CHRM3: variants seen among roughly 807,000 people sequenced by gnomAD.
The protein encoded by CHRM3 is muscarinic acetylcholine receptor M3.
Under a neutral mutation model 41.8 loss-of-function variants are expected in CHRM3, and 11 were observed. The ratio of observed to expected loss-of-function variants is 0.26; its 90% CI spans 0.17 to 0.44. CHRM3 has a LOEUF of 0.44. Among genes scored for constraint, CHRM3 ranks in the 20% least tolerant of loss-of-function variants. CHRM3 has a pLI of 1.00. For synonymous variants in CHRM3, 297 were observed against 301.4 expected (o/e 0.99, Z 0.15); for missense variants, 571 against 745.4 (o/e 0.77, Z 2.72).
intron 5 of CHRM3, among the ~76,000 whole-genome samples, chr1:239,715,646 G>A (rs1662274365): frequency 6.6e-6 from 1 of 152,120 alleles, no homozygotes; most frequent in African/African-American, 2.4e-5. Context: ...AACAGATAAA[G>A]AGGGAGGAAG....
At chr1:239,589,877 G>T (rs143826865) in intron 3 of CHRM3, among the ~76,000 whole-genome samples, 2 of 151,802 alleles carry the variant, frequency 1.3e-5, no homozygotes, top group East Asian at 3.9e-4. Flanking sequence ...GTCCACAATA[G>T]ATGCATGATT....
Position 239,682,953 on chromosome 1 carries a change from A to G in CHRM3, c.-147+4665A>G, listed in dbSNP as rs182566118. On this transcript the variant is annotated intron_variant, in intron 5 of 6. Coordinates refer to ENST00000676153, the MANE Select transcript of CHRM3 (RefSeq NM_001375978.1). ...GTATAAAAATTTAATTAGGCTATTT[A>G]GCATATCATGTCACCTCATTTATTT... Among the ~76,000 whole-genome samples the G allele has an allele frequency of 3.3e-5, 5 of 152,284 alleles. No individual in the cohort carries two copies. The East Asian group carries it at 9.7e-4, about 29-fold the overall frequency.
chr1:239,467,528 C>T (rs1018000692), intron 1 of CHRM3, among the ~76,000 whole-genome samples: 3 of 152,158 alleles, frequency 2.0e-5, no homozygotes, highest in Non-Finnish European at 2.9e-5. Context: ...TCTCGAACTC[C>T]TCACCTCGTG....
At chr1:239,671,779 A>G (rs937732201) in intron 4 of CHRM3, among the ~76,000 whole-genome samples, 1 of 152,058 alleles carries the variant, frequency 6.6e-6, no homozygotes, top group Non-Finnish European at 1.5e-5. Context: ...AATAATTTCT[A>G]AATTCTTTTT....
At chr1:239,880,606 C>T (rs186639993) in intron 6 of CHRM3, among the ~76,000 whole-genome samples, 6 of 152,314 alleles carry the variant, frequency 3.9e-5, no homozygotes, top group Non-Finnish European at 8.8e-5. Context: ...AGTCATCCTC[C>T]TCAGCCTCCT....
chr1:239,739,792 T>C (rs772777671), intron 5 of CHRM3, among the ~76,000 whole-genome samples: 14 of 152,190 alleles, frequency 9.2e-5, no homozygotes, highest in Non-Finnish European at 2.1e-4. Flanking sequence ...TCTTTAGCAA[T>C]CTAATGTTTT....
At chr1:239,562,278 C>T (rs77449654) in intron 3 of CHRM3, among the ~76,000 whole-genome samples, 3 of 152,094 alleles carry the variant, frequency 2.0e-5, no homozygotes, top group Non-Finnish European at 2.9e-5. Context: ...CTTCAGTATT[C>T]GCACATTTCA....
At chr1:239,573,217 C>G (rs1462819007) in intron 3 of CHRM3, among the ~76,000 whole-genome samples, 1 of 152,090 alleles carries the variant, frequency 6.6e-6, no homozygotes, top group Admixed American at 6.6e-5. Flanking sequence ...TTCCCTTTTT[C>G]TCCTCTAATC....
chr1:239,738,758 C>G (rs987256000), intron 5 of CHRM3, among the ~76,000 whole-genome samples: 1 of 152,156 alleles, frequency 6.6e-6, no homozygotes, highest in Non-Finnish European at 1.5e-5. Flanking sequence ...TTTCTGCTCC[C>G]TCAAGAGGGC....
intron 2 of CHRM3, among the ~76,000 whole-genome samples, chr1:239,496,410 ATTATT>A: frequency 6.6e-6 from 1 of 152,142 alleles, no homozygotes; most frequent in Non-Finnish European, 1.5e-5. Flanking sequence ...TATCTTGCAG[ATTATT>A]TTAAAGACTG....
chr1:239,522,393 C>A (rs528958124), intron 2 of CHRM3, among the ~76,000 whole-genome samples: 13 of 152,220 alleles, frequency 8.5e-5, no homozygotes, highest in Non-Finnish European at 1.9e-4. Flanking sequence ...CCCACCCAAT[C>A]CCTTAGTAGA....
chr1:239,895,391 C>T (rs1016060286), intron 6 of CHRM3, among the ~76,000 whole-genome samples: 8 of 152,232 alleles, frequency 5.3e-5, no homozygotes, highest in African/African-American at 1.4e-4. Context: ...AGTTACTGCT[C>T]ATCGGACACA....
intron 3 of CHRM3, among the ~76,000 whole-genome samples, chr1:239,602,110 G>GTGTGTATATATATATATA (rs1307023039): frequency 8.9e-5 from 10 of 112,862 alleles, no homozygotes; most frequent in Non-Finnish European, 1.3e-4. Flanking sequence ...GTGTGTGTGT[G>GTGTGTATATATATATATA]TATATATATA....
intron 5 of CHRM3, among the ~76,000 whole-genome samples, chr1:239,701,079 A>G (rs1419536856): frequency 6.6e-6 from 1 of 152,210 alleles, no homozygotes; most frequent in Non-Finnish European, 1.5e-5. Flanking sequence ...CTTCTTAATA[A>G]TAACTAAAGT....
chr1:239,538,507 C>A (rs939798611), intron 2 of CHRM3, among the ~76,000 whole-genome samples: 1 of 152,170 alleles, frequency 6.6e-6, no homozygotes, highest in Non-Finnish European at 1.5e-5. Flanking sequence ...CCAATTAGAT[C>A]ATGTTGGAAG....
intron 5 of CHRM3, among the ~76,000 whole-genome samples, chr1:239,699,440 T>C (rs1314148615): frequency 6.6e-6 from 1 of 152,058 alleles, no homozygotes. Context: ...GAAGAGGTCA[T>C]GTGAAAATGT....
At chr1:239,847,800 A>G (rs974934649) in intron 6 of CHRM3, among the ~76,000 whole-genome samples, 2 of 152,058 alleles carry the variant, frequency 1.3e-5, no homozygotes, top group Non-Finnish European at 2.9e-5. Context: ...CTGTAGTCCC[A>G]GCTACTCTAG....
chr1:239,568,472 G>A (rs545865653), intron 3 of CHRM3, among the ~76,000 whole-genome samples: 1 of 152,122 alleles, frequency 6.6e-6, no homozygotes, highest in East Asian at 1.9e-4. Context: ...TCCCAGCCAC[G>A]TGGAACTATG....
intron 3 of CHRM3, among the ~76,000 whole-genome samples, chr1:239,552,752 A>G (rs1346274472): frequency 6.6e-6 from 1 of 151,164 alleles, no homozygotes; most frequent in Non-Finnish European, 1.5e-5. Flanking sequence ...TGGCATCCCA[A>G]GGTTTTGGGA....
Sources: allele counts gnomAD v4.1 joint callset (sites outside exome capture counted in the v4.1 genomes callset), GRCh38; gene constraint gnomAD v4.1.1; transcripts MANE v1.5; gene names NCBI Gene and HGNC (gene_info 2026-07-23, HGNC 2026-07-21).